TANGO6: variants seen among roughly 807,000 people sequenced by gnomAD.
TANGO6 encodes transport and golgi organization 6 homolog, also known as transport and Golgi organization protein 6 homolog.
TANGO6 carries 90 observed loss-of-function variants against 114.2 expected under a neutral mutation model. That is an observed-to-expected ratio of 0.79 (90% CI 0.66 to 0.94). TANGO6 has a LOEUF of 0.94. Among genes scored for constraint, TANGO6 ranks in the 40% least tolerant of loss-of-function variants. The pLI, the probability that TANGO6 is intolerant of heterozygous loss-of-function variation, is 0.00. For missense variants in TANGO6, 1,274 were observed against 1,315.3 expected, an observed-to-expected ratio of 0.97 and a Z score of 0.49; for synonymous variants, 477 against 509.8, an observed-to-expected ratio of 0.94 and a Z score of 0.87.
chr16:68,978,883 T>A (rs934006330), intron 15 of TANGO6, among the ~76,000 whole-genome samples: 1 of 151,620 alleles, frequency 6.6e-6, no homozygotes, highest in Non-Finnish European at 1.5e-5. Flanking sequence ...TAAAAAAAAA[T>A]TGAGGTAATA....
chr16:69,072,548 A>G (rs954025338), intron 17 of TANGO6, among the ~76,000 whole-genome samples: 4 of 152,092 alleles, frequency 2.6e-5, no homozygotes, highest in Non-Finnish European at 2.9e-5. Context: ...TTTGGTGACA[A>G]TCCCTGGCTG....
chr16:69,035,720 C>T (rs575740715), intron 16 of TANGO6: 1 of 152,274 alleles, frequency 6.6e-6, no homozygotes, highest in African/African-American at 2.4e-5. Flanking sequence ...GAAGAGAAAG[C>T]TTTCCATAGT....
At chr16:69,016,823 C>A (rs1959308540) in intron 15 of TANGO6, among the ~76,000 whole-genome samples, 1 of 151,996 alleles carries the variant, frequency 6.6e-6, no homozygotes, top group African/African-American at 2.4e-5. Flanking sequence ...CCACACCTGG[C>A]TAAATTTTTT....
chr16:68,989,296 ATT>A lies in TANGO6; in HGVS notation c.2842+15138_2842+15139del, dbSNP rs112781786. On this transcript the variant is annotated intron_variant, in intron 15 of 17. Coordinates refer to ENST00000261778, the MANE Select transcript of TANGO6 (RefSeq NM_024562.2). Reference sequence around the variant, plus strand: ...GTTCTACAAGAACAGGCTCTGTTCAATTTTTTTTTTTCAATCTTTTTCTCTCT... The same window carrying A: ...GTTCTACAAGAACAGGCTCTGTTCAATTTTTTTTTCAATCTTTTTCTCTCT... 1.9e-4 allele frequency among the ~76,000 whole-genome samples: 28 copies of A among 147,250 alleles called. 1 individual carries two copies. Among genetic ancestry groups the A allele is most frequent in the South Asian group, 8.7e-4 (4 of 4,590 alleles).
At chr16:68,972,983 G>A in intron 14 of TANGO6, 1 of 346,700 alleles carries the variant, frequency 2.9e-6, no homozygotes, top group Non-Finnish European at 5.7e-6. Context: ...GCAAGGGAGA[G>A]TGTTAAAAGA....
At chr16:68,992,939 C>G (rs958612004) in intron 15 of TANGO6, among the ~76,000 whole-genome samples, 7 of 151,932 alleles carry the variant, frequency 4.6e-5, no homozygotes, top group African/African-American at 1.7e-4. Context: ...CGTGGTGGCT[C>G]GCGCCTGTAG....
At chr16:68,930,178 G>A (rs912459646) in intron 13 of TANGO6, 60 bp from the exon 14 acceptor site, 4 of 1,419,462 alleles carry the variant, frequency 2.8e-6, no homozygotes, top group Non-Finnish European at 3.9e-6. Context: ...TGATAAGGGA[G>A]CCTCTTAAAT....
intron 15 of TANGO6, among the ~76,000 whole-genome samples, chr16:68,998,758 C>A (rs1016656473): frequency 1.3e-5 from 2 of 150,926 alleles, no homozygotes; most frequent in Admixed American, 6.6e-5. Context: ...AGTTTGTTTG[C>A]AAAATAAGTT....
At chr16:68,922,477 G>T (rs543374186) in intron 12 of TANGO6, among the ~76,000 whole-genome samples, 1 of 151,802 alleles carries the variant, frequency 6.6e-6, no homozygotes, top group East Asian at 1.9e-4. Flanking sequence ...GGGAGGTTGC[G>T]GTGAGCGGAG....
intron 17 of TANGO6, among the ~76,000 whole-genome samples, chr16:69,070,915 AG>A (rs1487910313): frequency 2.2e-4 from 33 of 151,904 alleles, no homozygotes. Context: ...CTGGGATTAC[AG>A]GTACCCACCA....
chr16:69,050,623 G>A (rs190120673), intron 17 of TANGO6, among the ~76,000 whole-genome samples: 27 of 152,010 alleles, frequency 1.8e-4, no homozygotes, highest in Non-Finnish European at 2.8e-4. Flanking sequence ...TTGAGTAGCT[G>A]GGATTTCAGG....
In TANGO6 at chr16:69,083,906, A is replaced by C; in HGVS notation, c.*245A>C. 2.6e-6 allele frequency: 1 copy of C among 385,986 alleles called. No individual in the cohort carries two copies. The highest frequency in any genetic ancestry group is 5.3e-5 in the South Asian group (1 of 18,760). 23.9% of individuals were successfully genotyped at this position (385,986 alleles called of 1,614,324 possible). ...ACAGTTACAGATCTCATTAATCTAC[A>C]TTTTTCACTGTCCTCTAGCATTGAA... On this transcript the variant is annotated 3_prime_UTR_variant, in exon 18 of 18. Transcript: ENST00000261778.
chr16:68,916,761 T>A (rs1193358053), intron 11 of TANGO6, among the ~76,000 whole-genome samples: 2 of 152,132 alleles, frequency 1.3e-5, no homozygotes, highest in Non-Finnish European at 2.9e-5. Context: ...AGTTTTTTTT[T>A]AGAGCAGTTT....
intron 14 of TANGO6, among the ~76,000 whole-genome samples, chr16:68,972,672 G>A (rs887142067): frequency 4.6e-5 from 7 of 152,104 alleles, no homozygotes; most frequent in Non-Finnish European, 8.8e-5. Flanking sequence ...GAAAATCCTT[G>A]ACTTTATTAT....
intron 4 of TANGO6, among the ~76,000 whole-genome samples, chr16:68,871,396 G>A (rs1962265163): frequency 6.6e-6 from 1 of 151,694 alleles, no homozygotes; most frequent in Non-Finnish European, 1.5e-5. Flanking sequence ...GTTTCTTTAT[G>A]GTTTTTTTTC....
intron 15 of TANGO6, among the ~76,000 whole-genome samples, chr16:69,003,311 G>A (rs1964061703): frequency 6.6e-6 from 1 of 152,116 alleles, no homozygotes; most frequent in Non-Finnish European, 1.5e-5. Context: ...GCTGCCCATA[G>A]AGGGAAAAAG....
At chr16:68,963,436 C>T (rs1963614434) in intron 14 of TANGO6, among the ~76,000 whole-genome samples, 1 of 152,164 alleles carries the variant, frequency 6.6e-6, no homozygotes, top group Non-Finnish European at 1.5e-5. Flanking sequence ...ACTTTTTACA[C>T]CCTAGTTCCA....
chr16:68,868,437 C>T (rs1230663608), intron 4 of TANGO6, among the ~76,000 whole-genome samples: 3 of 151,174 alleles, frequency 2.0e-5, no homozygotes, highest in Non-Finnish European at 4.4e-5. Context: ...TTTCTAGAAG[C>T]AACTGCTTTG....
intron 17 of TANGO6, among the ~76,000 whole-genome samples, chr16:69,054,456 G>T (rs764096439): frequency 6.6e-6 from 1 of 152,170 alleles, no homozygotes; most frequent in African/African-American, 2.4e-5. Flanking sequence ...TCTGTGGTAC[G>T]TTAGGCCTGC....
Sources: gnomAD v4.1 joint callset for allele counts (sites outside exome capture counted in the v4.1 genomes callset) on GRCh38, gnomAD v4.1.1 for gene constraint, MANE v1.5 for transcripts, NCBI Gene and HGNC (gene_info 2026-07-23, HGNC 2026-07-21) for gene names.